Variants in PALLD observed in about 807,000 individuals in gnomAD.
PALLD encodes the protein palladin, cytoskeletal associated protein, also known as palladin.
Under a neutral mutation model 123.5 loss-of-function variants are expected in PALLD, and 61 were observed. That is an observed-to-expected ratio of 0.49 (90% CI 0.40 to 0.61). The LOEUF is 0.61. Ranked by LOEUF, PALLD falls within the 20% of genes least tolerant of loss-of-function variation. The pLI is 0.00. For missense variants in PALLD, 1,273 were observed against 1,377.0 expected, an observed-to-expected ratio of 0.92 and a Z score of 1.20; for synonymous variants, 465 against 496.4, an observed-to-expected ratio of 0.94 and a Z score of 0.84.
chr4:168,791,130 G>T (rs765682981), intron 10 of PALLD, among the ~76,000 whole-genome samples: 3 of 152,202 alleles, frequency 2.0e-5, no homozygotes, highest in Non-Finnish European at 4.4e-5. Context: ...CCAGGAGGAA[G>T]TGTGTTTGCA....
At chr4:168,584,509 G>C (rs184217829) in intron 2 of PALLD, among the ~76,000 whole-genome samples, 1 of 152,252 alleles carries the variant, frequency 6.6e-6, no homozygotes, top group East Asian at 1.9e-4. Context: ...TCCTTCATTA[G>C]AGTATGTGTT....
chr4:168,627,925 C>T (rs1775454926), intron 2 of PALLD, among the ~76,000 whole-genome samples: 1 of 152,242 alleles, frequency 6.6e-6, no homozygotes, highest in African/African-American at 2.4e-5. Flanking sequence ...CTTGAGACAT[C>T]ACTTTTCACC....
chr4:168,628,654 G>A (rs1775529423), intron 2 of PALLD, among the ~76,000 whole-genome samples: 1 of 152,064 alleles, frequency 6.6e-6, no homozygotes, highest in African/African-American at 2.4e-5. Flanking sequence ...GCTGCCCCTG[G>A]CCGCTCCGTT....
chr4:168,870,233 C>G (rs767632252), intron 10 of PALLD, among the ~76,000 whole-genome samples: 4 of 152,188 alleles, frequency 2.6e-5, no homozygotes, highest in Admixed American at 6.5e-5. Flanking sequence ...AGCATTATAG[C>G]AGAACCACAT....
chr4:168,539,619 G>A (rs1344975130), intron 2 of PALLD, among the ~76,000 whole-genome samples: 1 of 149,646 alleles, frequency 6.7e-6, no homozygotes, highest in East Asian at 2.0e-4. Context: ...AAATAAAGAT[G>A]CTTTGGAAAA....
chr4:168,659,054 T>C (rs1044477002), intron 2 of PALLD, among the ~76,000 whole-genome samples: 4 of 152,358 alleles, frequency 2.6e-5, no homozygotes, highest in Admixed American at 1.3e-4. Context: ...TGTGAACACA[T>C]GTAAAAAATT....
chr4:168,905,120 T>A (rs1757363447), intron 15 of PALLD, among the ~76,000 whole-genome samples: 1 of 150,024 alleles, frequency 6.7e-6, no homozygotes, highest in African/African-American at 2.4e-5. Flanking sequence ...GAGTGAGACT[T>A]TGTTTTTTGT....
At chr4:168,741,102 A>G (rs1788282003) in intron 10 of PALLD, among the ~76,000 whole-genome samples, 1 of 152,176 alleles carries the variant, frequency 6.6e-6, no homozygotes, top group Non-Finnish European at 1.5e-5. Context: ...TGGCTTCATG[A>G]TCTATCCCTA....
chr4:168,758,787 T>C (rs965930071), intron 10 of PALLD, among the ~76,000 whole-genome samples: 2 of 152,118 alleles, frequency 1.3e-5, no homozygotes, highest in African/African-American at 4.8e-5. Context: ...TTGTGCATAG[T>C]TGAAATCCCT....
intron 2 of PALLD, among the ~76,000 whole-genome samples, chr4:168,583,264 G>A (rs1431496605): frequency 6.6e-6 from 1 of 152,150 alleles, no homozygotes; most frequent in Non-Finnish European, 1.5e-5. Flanking sequence ...TATGTGTATG[G>A]TATGGATGAA....
chr4:168,619,670 G>A (rs1365311720), intron 2 of PALLD, among the ~76,000 whole-genome samples: 1 of 152,172 alleles, frequency 6.6e-6, no homozygotes, highest in Non-Finnish European at 1.5e-5. Context: ...TTAACAGCTG[G>A]AGGAAGACAG....
At chr4:168,780,625 G>A (rs1380723173) in intron 10 of PALLD, among the ~76,000 whole-genome samples, 2 of 152,224 alleles carry the variant, frequency 1.3e-5, no homozygotes, top group Non-Finnish European at 2.9e-5. Flanking sequence ...CTGTTGCAGT[G>A]TAATGTCAAA....
rs140584890 is a variant in PALLD, at chr4:168,921,575, T to A, written c.2892T>A (p.Asp964Glu). 1 of 1,608,056 alleles carries A rather than the reference T, an allele frequency of 6.2e-7. No homozygotes were observed. Among genetic ancestry groups the A allele is most frequent in the Non-Finnish European group, 8.5e-7 (1 of 1,178,652 alleles). Residue 964 changes from aspartate to glutamate, a missense_variant, in exon 18 of 22, where the codon GAT becomes GAA. Around this residue, in one of 2 missense-constraint regions of PALLD, gnomAD observed 329 missense variants for 422.5 expected, o/e 0.78. Coordinates refer to ENST00000505667, the MANE Select transcript of PALLD (RefSeq NM_001166108.2). ...LPTPDLSWQL[D>E]GKPVRPDSAH... ...CCCCAGATCTAAGCTGGCAACTAGA[T>A]GGAAAGCCCGTACGCCCTGACAGTG... is the stretch of plus-strand genomic sequence containing the variant.
intron 2 of PALLD, among the ~76,000 whole-genome samples, chr4:168,583,326 A>T (rs1441680052): frequency 6.6e-6 from 1 of 152,202 alleles, no homozygotes; most frequent in Non-Finnish European, 1.5e-5. Flanking sequence ...AAGTGAATAG[A>T]TGATGCTGAA....
At chr4:168,920,347 T>TG (rs1300304095) in intron 17 of PALLD, among the ~76,000 whole-genome samples, 1 of 152,228 alleles carries the variant, frequency 6.6e-6, no homozygotes, top group Non-Finnish European at 1.5e-5. Context: ...ACATGTGTGG[T>TG]GGGAGGCATC....
intron 2 of PALLD, among the ~76,000 whole-genome samples, chr4:168,642,149 C>G (rs1455450900): frequency 6.6e-6 from 1 of 152,150 alleles, no homozygotes; most frequent in Non-Finnish European, 1.5e-5. Flanking sequence ...CTACACATCC[C>G]TCGGGTCTTT....
In PALLD at chr4:168,834,322, C is replaced by G. The variant is rs535496327; in HGVS notation, c.1965-56600C>G. Among the ~76,000 whole-genome samples, 318 of 152,276 alleles carry G rather than the reference C, an allele frequency of 2.1e-3. 3 individuals carry two copies. The highest frequency in any genetic ancestry group is 0.014 in the South Asian group (67 of 4,820). ...TGTAATAACGACAGGCCCAGTCTGT[C>G]CCAGGTGAGGACCACTGACTTAGTA... On this transcript the variant is annotated intron_variant, in intron 10 of 21. Coordinates refer to ENST00000505667, the MANE Select transcript of PALLD (RefSeq NM_001166108.2).
chr4:168,595,133 T>C (rs772006584), intron 2 of PALLD, among the ~76,000 whole-genome samples: 2 of 152,112 alleles, frequency 1.3e-5, no homozygotes, highest in Admixed American at 6.6e-5. Context: ...CCCAAATAAA[T>C]GTTTGCTGTC....
At chr4:168,601,830 C>T (rs781278371) in intron 2 of PALLD, among the ~76,000 whole-genome samples, 11 of 152,218 alleles carry the variant, frequency 7.2e-5, no homozygotes, top group Admixed American at 1.3e-4. Flanking sequence ...TCCAAAAGCA[C>T]GAGTTTATTA....
Sources: gnomAD v4.1 joint callset for allele counts (sites outside exome capture counted in the v4.1 genomes callset) on GRCh38, gnomAD v4.1.1 for gene constraint, gnomAD v4.1.1 regional missense constraint, MANE v1.5 for transcripts, NCBI Gene and HGNC (gene_info 2026-07-23, HGNC 2026-07-21) for gene names.